Variants in FAM13A observed in about 807,000 individuals in gnomAD.
FAM13A encodes family with sequence similarity 13 member A.
A neutral mutation model predicts 129.6 loss-of-function variants in FAM13A; 76 were observed. The observed-to-expected ratio is 0.59, with a 90% CI of 0.49 to 0.71. FAM13A has a LOEUF of 0.71. FAM13A is among the 30% of genes least tolerant of loss of function. The pLI is 0.00. For synonymous variants in FAM13A, 443 were observed against 449.9 expected (o/e 0.98, Z 0.20); for missense variants, 1,108 against 1,249.3 (o/e 0.89, Z 1.70).
chr4:88,862,866 C>T (rs768122677), intron 6 of FAM13A, among the ~76,000 whole-genome samples: 3 of 151,698 alleles, frequency 2.0e-5, no homozygotes, highest in Non-Finnish European at 2.9e-5. Flanking sequence ...CAGTCTTTAT[C>T]ATTCTACGTA....
chr4:88,988,462 TTATTAAG>T (rs1289878024), intron 4 of FAM13A, among the ~76,000 whole-genome samples: 25 of 152,348 alleles, frequency 1.6e-4, no homozygotes, highest in African/African-American at 6.0e-4. Flanking sequence ...TAAGGATGCA[TTATTAAG>T]TATTTAACAG....
intron 4 of FAM13A, among the ~76,000 whole-genome samples, chr4:88,978,309 CTATGTT>C (rs1761171555): frequency 6.6e-6 from 1 of 152,118 alleles, no homozygotes; most frequent in Admixed American, 6.5e-5. Context: ...AAAGTAACAG[CTATGTT>C]TATGGATTTA....
intron 6 of FAM13A, among the ~76,000 whole-genome samples, chr4:88,882,410 C>G (rs1743731328): frequency 6.6e-6 from 1 of 152,026 alleles, no homozygotes; most frequent in Admixed American, 6.5e-5. Context: ...AAGTTACGGA[C>G]TTTTTCAGAC....
chr4:89,018,344 G>C (rs902693361), intron 3 of FAM13A, among the ~76,000 whole-genome samples: 1 of 152,246 alleles, frequency 6.6e-6, no homozygotes, highest in Non-Finnish European at 1.5e-5. Flanking sequence ...GCACACCAAA[G>C]AGAGAGGCCT....
At chr4:88,996,159 T>C (rs1763512817) in intron 3 of FAM13A, among the ~76,000 whole-genome samples, 1 of 152,124 alleles carries the variant, frequency 6.6e-6, no homozygotes, top group Non-Finnish European at 1.5e-5. Context: ...GGGGAGACAA[T>C]GCAGAGAGGG....
At chr4:89,013,999 C>T (rs1250334091) in intron 3 of FAM13A, among the ~76,000 whole-genome samples, 1 of 152,110 alleles carries the variant, frequency 6.6e-6, no homozygotes, top group African/African-American at 2.4e-5. Context: ...TAAGTACACC[C>T]TGTGGTGCAA....
At chr4:88,944,257 T>C (rs1016721427) in intron 4 of FAM13A, among the ~76,000 whole-genome samples, 1 of 152,032 alleles carries the variant, frequency 6.6e-6, no homozygotes, top group East Asian at 1.9e-4. Flanking sequence ...GAGGCTGAAG[T>C]GGGAGGACCT....
intron 4 of FAM13A, among the ~76,000 whole-genome samples, chr4:88,977,783 A>T (rs1219801841): frequency 6.6e-6 from 1 of 152,186 alleles, no homozygotes. Context: ...ACTAACACTA[A>T]TAGCTGCGTA....
intron 6 of FAM13A, among the ~76,000 whole-genome samples, chr4:88,881,556 A>G (rs955594347): frequency 6.6e-6 from 1 of 152,198 alleles, no homozygotes; most frequent in African/African-American, 2.4e-5. Flanking sequence ...CTGGTAATAT[A>G]ACAACACGAG....
intron 7 of FAM13A, among the ~76,000 whole-genome samples, chr4:88,831,115 CCA>C (rs1578860002): frequency 6.6e-6 from 1 of 152,020 alleles, no homozygotes; most frequent in East Asian, 1.9e-4. Context: ...AGGGAAAAAT[CCA>C]CAGTTTTGCC....
At chr4:89,043,331 A>G (rs1770411487) in intron 1 of FAM13A, among the ~76,000 whole-genome samples, 1 of 152,184 alleles carries the variant, frequency 6.6e-6, no homozygotes. Flanking sequence ...TATGAAGAAA[A>G]GACAACAGAG....
At chr4:88,824,385 T>C (rs748799907) in intron 7 of FAM13A, among the ~76,000 whole-genome samples, 2 of 152,208 alleles carry the variant, frequency 1.3e-5, no homozygotes, top group Non-Finnish European at 2.9e-5. Flanking sequence ...CTATTTATTA[T>C]AAGACATCTG....
At chr4:88,767,164 T>C (rs1263358218) in intron 13 of FAM13A, among the ~76,000 whole-genome samples, 1 of 152,204 alleles carries the variant, frequency 6.6e-6, no homozygotes, top group Non-Finnish European at 1.5e-5. Flanking sequence ...AAGTGAATTT[T>C]TGTTAATTTG....
intron 6 of FAM13A, among the ~76,000 whole-genome samples, chr4:88,874,585 G>A (rs1579063653): frequency 6.6e-6 from 1 of 152,180 alleles, no homozygotes; most frequent in Non-Finnish European, 1.5e-5. Flanking sequence ...ACTGACAAGG[G>A]ACGTGAAGGA....
chr4:89,001,125 G>T (rs1380294064), intron 3 of FAM13A, among the ~76,000 whole-genome samples: 2 of 152,186 alleles, frequency 1.3e-5, no homozygotes, highest in Admixed American at 6.5e-5. Context: ...GTAAAGAAAA[G>T]ATCATCTAGT....
rs1256396536 is a variant in FAM13A at position 88,787,943 on chromosome 4, A to G, written c.1092-11T>C. 1 of 1,609,210 alleles carries G rather than the reference A, an allele frequency of 6.2e-7. No individual in the cohort carries two copies. Among genetic ancestry groups the G allele is most frequent in the Non-Finnish European group, 8.5e-7 (1 of 1,177,244 alleles). ...GTTCTTTCTAAGAGTCTGGCAAAAA[A>G]GAATGCAGAGTCATTCAAGCAGTCA... On this transcript the variant is annotated splice_polypyrimidine_tract_variant and intron_variant, in intron 9 of 23. Coordinates refer to ENST00000264344, the MANE Select transcript of FAM13A (RefSeq NM_014883.4).
At chr4:88,831,212 T>G (rs542702387) in intron 7 of FAM13A, among the ~76,000 whole-genome samples, 4 of 152,186 alleles carry the variant, frequency 2.6e-5, no homozygotes, top group Non-Finnish European at 5.9e-5. Context: ...GGGCATGACT[T>G]TCTCCAAATC....
intron 6 of FAM13A, among the ~76,000 whole-genome samples, chr4:88,878,372 T>G (rs13106968): frequency 0.86 from 129,408 of 150,522 alleles, 55,946 homozygotes; most frequent in East Asian, 0.96. Flanking sequence ...TATCAAAGCA[T>G]TAATTTCTTT....
At chr4:89,020,143 T>G (rs1560826778) in intron 3 of FAM13A, among the ~76,000 whole-genome samples, 1 of 152,102 alleles carries the variant, frequency 6.6e-6, no homozygotes, top group African/African-American at 2.4e-5. Context: ...TCTAGTATGA[T>G]TTTACATAGG....
Sources: gnomAD v4.1 joint callset for allele counts (sites outside exome capture counted in the v4.1 genomes callset) on GRCh38, gnomAD v4.1.1 for gene constraint, MANE v1.5 for transcripts, NCBI Gene and HGNC (gene_info 2026-07-23, HGNC 2026-07-21) for gene names.